EXOC6: variants seen among roughly 807,000 people sequenced by gnomAD.
EXOC6 encodes SEC15-like 1.
In EXOC6, 60 loss-of-function variants were observed where a neutral mutation model predicts 112.5. The observed-to-expected ratio is 0.53, with a 90% CI of 0.43 to 0.66. The LOEUF (loss-of-function observed/expected upper bound fraction) is 0.66, where lower values mean the gene tolerates loss of function less well. EXOC6 is among the 30% of genes least tolerant of loss of function. EXOC6 has a pLI of 0.00. For missense variants in EXOC6, 855 were observed against 957.1 expected, an observed-to-expected ratio of 0.89 and a Z score of 1.41; for synonymous variants, 295 against 308.0, an observed-to-expected ratio of 0.96 and a Z score of 0.44.
intron 18 of EXOC6, among the ~76,000 whole-genome samples, chr10:92,976,045 TGGGG>T (rs745358976): frequency 1.0e-4 from 11 of 105,446 alleles, no homozygotes; most frequent in East Asian, 5.7e-4. Context: ...GGGAGGGAGG[TGGGG>T]GGGGGGGTCA....
At chr10:93,010,013 A>G (rs1844167629) in intron 19 of EXOC6, among the ~76,000 whole-genome samples, 1 of 152,242 alleles carries the variant, frequency 6.6e-6, no homozygotes. Context: ...GCAAGAAATG[A>G]TGATAGTTTG....
intron 20 of EXOC6, among the ~76,000 whole-genome samples, chr10:93,045,702 C>T (rs184286924): frequency 4.3e-4 from 65 of 152,290 alleles, no homozygotes; most frequent in African/African-American, 1.5e-3. Flanking sequence ...TGAGTTTCAA[C>T]GTTTGATTTC....
At chr10:93,001,717 G>T (rs1219506219) in intron 19 of EXOC6, among the ~76,000 whole-genome samples, 2 of 152,146 alleles carry the variant, frequency 1.3e-5, no homozygotes, top group African/African-American at 2.4e-5. Context: ...GGGCACCTGT[G>T]TATAGCAAGC....
intron 1 of EXOC6, among the ~76,000 whole-genome samples, chr10:92,883,899 C>A (rs11816241): frequency 0.28 from 42,417 of 151,768 alleles, 6,184 homozygotes; most frequent in Middle Eastern, 0.36. Context: ...CTTTTCTTTT[C>A]TTTTCTTTTC....
chr10:93,038,194 CTGTT>C (rs753228824), intron 20 of EXOC6, among the ~76,000 whole-genome samples: 2 of 151,382 alleles, frequency 1.3e-5, no homozygotes, highest in Non-Finnish European at 2.9e-5. Flanking sequence ...AGTAAATGCA[CTGTT>C]TGTTTTACAT....
intron 20 of EXOC6, among the ~76,000 whole-genome samples, chr10:93,028,817 A>G (rs1011976213): frequency 5.4e-5 from 8 of 148,296 alleles, no homozygotes; most frequent in Non-Finnish European, 1.2e-4. Flanking sequence ...CTGGGCAACA[A>G]GAGTGAAACT....
intron 20 of EXOC6, among the ~76,000 whole-genome samples, chr10:93,017,025 A>T (rs537105565): frequency 1.2e-3 from 186 of 151,974 alleles, no homozygotes; most frequent in African/African-American, 4.2e-3. Context: ...CGGGTTGGCC[A>T]GGCTGGTCTC....
chr10:93,018,882 C>T (rs1377959945), intron 20 of EXOC6, among the ~76,000 whole-genome samples: 1 of 151,502 alleles, frequency 6.6e-6, no homozygotes. Flanking sequence ...ATAAAAGACC[C>T]TGACAAATGC....
At chr10:92,841,046 T>G (rs1846831958) in intron 1 of EXOC6, among the ~76,000 whole-genome samples, 1 of 152,224 alleles carries the variant, frequency 6.6e-6, no homozygotes, top group East Asian at 1.9e-4. Context: ...TCACCTTACA[T>G]ACTTTTTGTG....
chr10:92,960,635 C>A (rs1187454206), intron 17 of EXOC6, among the ~76,000 whole-genome samples: 1 of 149,114 alleles, frequency 6.7e-6, no homozygotes, highest in Admixed American at 6.7e-5. Context: ...ACTATGAGGT[C>A]AAGAAATAAA....
intron 1 of EXOC6, among the ~76,000 whole-genome samples, chr10:92,867,599 T>C (rs896685109): frequency 6.6e-6 from 1 of 152,166 alleles, no homozygotes; most frequent in Non-Finnish European, 1.5e-5. Flanking sequence ...CTTCCAAAAC[T>C]ATTAAAAGAT....
chr10:92,966,264 A>G (rs1013535934), intron 17 of EXOC6, among the ~76,000 whole-genome samples: 3 of 141,108 alleles, frequency 2.1e-5, no homozygotes, highest in African/African-American at 8.0e-5. Flanking sequence ...AACGTGGTCT[A>G]GAAAGCATGT....
intron 19 of EXOC6, among the ~76,000 whole-genome samples, chr10:93,002,783 C>G (rs911978628): frequency 2.0e-5 from 3 of 152,162 alleles, no homozygotes; most frequent in African/African-American, 7.2e-5. Flanking sequence ...TTTTCCTTAT[C>G]TACCAGTCTA....
chr10:92,828,379 GC>G (rs1192107387), intron 1 of EXOC6, among the ~76,000 whole-genome samples: 1 of 152,178 alleles, frequency 6.6e-6, no homozygotes, highest in Non-Finnish European at 1.5e-5. Context: ...TGTCACCCAG[GC>G]TGGAATGCAG....
chr10:92,936,918 A>G (rs1293890380), intron 12 of EXOC6, among the ~76,000 whole-genome samples: 3 of 152,174 alleles, frequency 2.0e-5, no homozygotes, highest in African/African-American at 7.2e-5. Context: ...TTGGAACAAT[A>G]TCACAGGTGG....
At chr10:92,955,056 G>T (rs1420509083) in intron 16 of EXOC6, among the ~76,000 whole-genome samples, 4 of 151,998 alleles carry the variant, frequency 2.6e-5, no homozygotes, top group Admixed American at 6.6e-5. Context: ...AGCCAGGCGT[G>T]GTAGTGTGCA....
chr10:93,014,291 CA>C lies in EXOC6; in HGVS notation c.2169+25del, dbSNP rs779995402. The C allele has an allele frequency of 3.8e-6, 6 of 1,573,870 alleles. No individual in the cohort carries two copies. In the South Asian group the frequency reaches 6.7e-5, roughly 18 times the overall value. ...AAGTAAGATATAATAATGTACTTCC[CA>C]TTTGTTGCCCTCTAACTCTTGCCCT... is the stretch of plus-strand genomic sequence containing the variant. On this transcript the variant is annotated intron_variant, in intron 20 of 21. Coordinates refer to ENST00000260762, the MANE Select transcript of EXOC6 (RefSeq NM_019053.6).
rs761810617 is a variant in EXOC6, at chr10:92,915,826, G to A, written c.732G>A (p.Met244Ile). ...ATAAAATGAAATTTGGGAAAAATAT[G>A]TATATAAATCGTGATAGAATTCCAG... ...KQNKMKFGKNMYINRDRIPEE... is the reference protein window; with the variant it reads ...KQNKMKFGKNIYINRDRIPEE... The change falls in exon 7 of 22, where the codon ATG becomes ATA. Residue 244 changes from methionine (M) to isoleucine (I), a missense_variant. Met to Ile is a conservative substitution (Grantham distance 10). Around this residue, in one of 2 missense-constraint regions of EXOC6, gnomAD observed 405 missense variants for 393.6 expected, o/e 1.03. Coordinates refer to ENST00000260762, the MANE Select transcript of EXOC6 (RefSeq NM_019053.6). The A allele has an allele frequency of 7.2e-6, 11 of 1,536,202 alleles. No individual in the cohort carries two copies. Among genetic ancestry groups the A allele is most frequent in the East Asian group, 2.5e-5 (1 of 39,668 alleles).
intron 1 of EXOC6, among the ~76,000 whole-genome samples, chr10:92,849,183 A>C (rs908994261): frequency 6.6e-6 from 1 of 152,074 alleles, no homozygotes; most frequent in African/African-American, 2.4e-5. Flanking sequence ...GCGCGGCCGC[A>C]GTGGGCGAGA....
Sources: gnomAD v4.1 joint callset for allele counts (sites outside exome capture counted in the v4.1 genomes callset) on GRCh38, gnomAD v4.1.1 for gene constraint, gnomAD v4.1.1 regional missense constraint, MANE v1.5 for transcripts, NCBI Gene and HGNC (gene_info 2026-07-23, HGNC 2026-07-21) for gene names.